The following KIF26B variants were observed in gnomAD, a reference collection of about 807,000 sequenced individuals.
The protein encoded by KIF26B is kinesin family member 26B.
Under a neutral mutation model 151.2 loss-of-function variants are expected in KIF26B, and 63 were observed. That is an observed-to-expected ratio of 0.42 (90% CI 0.34 to 0.51). The LOEUF is 0.51. Among genes scored for constraint, KIF26B ranks in the 20% least tolerant of loss-of-function variants. The pLI is 0.07. For missense variants in KIF26B, 2,813 were observed against 2,913.6 expected (o/e 0.97, Z 0.79); for synonymous variants, 1,357 against 1,262.1 (o/e 1.08, Z -1.59).
At position 245,688,590 on chromosome 1, in the gene KIF26B, C is replaced by T. The variant is rs1406510979; in HGVS notation, c.5607C>T (p.Ser1869=). 4 of 1,577,266 alleles carry T rather than the reference C, an allele frequency of 2.5e-6. No individual in the cohort carries two copies. The highest frequency in any genetic ancestry group is 4.7e-5 in the East Asian group (2 of 42,540). ...RPHRCSSGHG[S]DNSSVLSGEL... ...ACCGCTGCAGCAGCGGCCACGGCAGCGACAACAGCAGCGTGCTGAGCGGGG... is the reference window on the plus strand; with the variant it reads ...ACCGCTGCAGCAGCGGCCACGGCAGTGACAACAGCAGCGTGCTGAGCGGGG... Residue 1869 remains serine (S), a synonymous_variant, in exon 12 of 15, where the codon AGC becomes AGT. Coordinates refer to ENST00000407071, the MANE Select transcript of KIF26B (RefSeq NM_018012.4).
chr1:245,621,730 T>C (rs1414337933), intron 9 of KIF26B, among the ~76,000 whole-genome samples: 1 of 152,242 alleles, frequency 6.6e-6, no homozygotes, highest in Non-Finnish European at 1.5e-5. Flanking sequence ...TGATGGAAAT[T>C]CTTGATAATA....
At chr1:245,331,268 C>T (rs962155123) in intron 2 of KIF26B, among the ~76,000 whole-genome samples, 5 of 151,964 alleles carry the variant, frequency 3.3e-5, no homozygotes, top group African/African-American at 1.2e-4. Flanking sequence ...GCCACGGTGC[C>T]AAGTTGTGGG....
At chr1:245,401,869 C>CCAAA (rs200388517) in intron 3 of KIF26B, among the ~76,000 whole-genome samples, 15 of 118,336 alleles carry the variant, frequency 1.3e-4, no homozygotes, top group African/African-American at 5.6e-4. Context: ...GATTCCATCT[C>CCAAA]CAAACAAACA....
chr1:245,419,676 C>T lies in KIF26B; in HGVS notation c.1097C>T (p.Ala366Val), dbSNP rs1372219971. The T allele has an allele frequency of 6.2e-7, 1 of 1,613,884 alleles. No homozygotes were observed. Among genetic ancestry groups the T allele is most frequent in the African/African-American group, 1.3e-5 (1 of 75,060 alleles). The change falls in exon 4 of 15, where the codon GCC (alanine) becomes GTC (valine). Residue 366 changes from alanine (A) to valine (V), a missense_variant. Physicochemically the swap from Ala to Val is moderately conservative, Grantham distance 64. Coordinates refer to ENST00000407071, the MANE Select transcript of KIF26B (RefSeq NM_018012.4). ...ADKPSACSVPASQGSCVASET... is the reference protein window; with the variant it reads ...ADKPSACSVPVSQGSCVASET... The stretch of plus-strand genomic sequence containing the variant: ...AAGCCTTCCGCCTGCAGTGTCCCAG[C>T]CTCGCAGGGCTCCTGCGTGGCCAGC...
rs1016893566 is a variant in KIF26B, at chr1:245,705,496, G to A, written c.*2890G>A. 6.6e-6 allele frequency: 1 copy of A among 152,094 alleles called. No individual in the cohort carries two copies. Among genetic ancestry groups the A allele is most frequent in the South Asian group, 2.1e-4 (1 of 4,830 alleles). 9.4% of individuals were successfully genotyped at this position (152,094 alleles called of 1,614,324 possible). ...CCAGTGGCCAGACATGATAGTTCCA[G>A]GTCTCCCCTTGGTTTTGGTGATAGA... On this transcript the variant is annotated 3_prime_UTR_variant, in exon 15 of 15. Coordinates refer to ENST00000407071, the MANE Select transcript of KIF26B (RefSeq NM_018012.4).
intron 2 of KIF26B, among the ~76,000 whole-genome samples, chr1:245,343,459 G>T (rs1209972496): frequency 1.3e-5 from 2 of 151,848 alleles, no homozygotes; most frequent in African/African-American, 4.8e-5. Flanking sequence ...TATACACTCA[G>T]GTCTGTGTTC....
intron 5 of KIF26B, among the ~76,000 whole-genome samples, chr1:245,592,734 A>C (rs538673066): frequency 7.2e-5 from 11 of 152,120 alleles, no homozygotes; most frequent in African/African-American, 2.7e-4. Flanking sequence ...TGATCTTTGA[A>C]CATGTCATGC....
chr1:245,396,930 A>G (rs1403600131), intron 3 of KIF26B, among the ~76,000 whole-genome samples: 1 of 151,950 alleles, frequency 6.6e-6, no homozygotes, highest in African/African-American at 2.4e-5. Context: ...GAACTGTCTA[A>G]GATTTTCATT....
chr1:245,470,713 A>G (rs538726598), intron 4 of KIF26B, among the ~76,000 whole-genome samples: 1 of 151,688 alleles, frequency 6.6e-6, no homozygotes, highest in Non-Finnish European at 1.5e-5. Flanking sequence ...TACAGGCGTG[A>G]GCCACCACGC....
At chr1:245,331,346 C>T (rs935630374) in intron 2 of KIF26B, among the ~76,000 whole-genome samples, 2 of 152,032 alleles carry the variant, frequency 1.3e-5, no homozygotes, top group East Asian at 1.9e-4. Context: ...TGACAGCTCA[C>T]GACACTCTTT....
At chr1:245,456,946 A>G (rs1260081917) in intron 4 of KIF26B, among the ~76,000 whole-genome samples, 2 of 152,130 alleles carry the variant, frequency 1.3e-5, no homozygotes, top group Admixed American at 1.3e-4. Flanking sequence ...GCTCACTGCA[A>G]CCTTTGTCTC....
chr1:245,458,422 G>A (rs1659584879), intron 4 of KIF26B, among the ~76,000 whole-genome samples: 1 of 152,152 alleles, frequency 6.6e-6, no homozygotes, highest in Admixed American at 6.5e-5. Context: ...TCCAAGGTCC[G>A]CCCGTCAGTG....
chr1:245,248,710 T>C (rs183322742), intron 2 of KIF26B, among the ~76,000 whole-genome samples: 30 of 152,326 alleles, frequency 2.0e-4, no homozygotes, highest in Admixed American at 2.0e-3. Context: ...ATCCCCACGG[T>C]AGTTTAAACT....
intron 2 of KIF26B, chr1:245,282,833 G>T: frequency 5.1e-6 from 1 of 197,382 alleles, no homozygotes. Flanking sequence ...AAGAAAAAGA[G>T]CATAATTTGT....
chr1:245,369,333 G>A (rs1309829945), intron 3 of KIF26B, among the ~76,000 whole-genome samples: 1 of 152,188 alleles, frequency 6.6e-6, no homozygotes, highest in Non-Finnish European at 1.5e-5. Context: ...TGTTACGCCG[G>A]ACAAGATACA....
At chr1:245,525,032 C>T (rs547470519) in intron 4 of KIF26B, among the ~76,000 whole-genome samples, 1 of 152,226 alleles carries the variant, frequency 6.6e-6, no homozygotes, top group Non-Finnish European at 1.5e-5. Flanking sequence ...TATATTCACT[C>T]ATGAAGTATT....
chr1:245,697,356 G>A (rs2044709015), intron 12 of KIF26B, among the ~76,000 whole-genome samples: 1 of 152,208 alleles, frequency 6.6e-6, no homozygotes, highest in Non-Finnish European at 1.5e-5. Flanking sequence ...TAGATACTGG[G>A]AGAGAACTAG....
At chr1:245,699,121 A>G in intron 14 of KIF26B, 84 bp downstream of exon 14, 2 of 1,414,138 alleles carry the variant, frequency 1.4e-6, no homozygotes, top group Non-Finnish European at 2.0e-6. Flanking sequence ...GGTGACAGTG[A>G]CACAGGCTGT....
chr1:245,372,149 A>G (rs1019939097), intron 3 of KIF26B, among the ~76,000 whole-genome samples: 1 of 152,138 alleles, frequency 6.6e-6, no homozygotes, highest in African/African-American at 2.4e-5. Context: ...ATCCCCTGTC[A>G]GAGCAGCAGT....
Sources: allele counts gnomAD v4.1 joint callset (sites outside exome capture counted in the v4.1 genomes callset), GRCh38; gene constraint gnomAD v4.1.1; transcripts MANE v1.5; gene names NCBI Gene and HGNC (gene_info 2026-07-23, HGNC 2026-07-21).